DNAH11: variants seen among roughly 807,000 people sequenced by gnomAD.
DNAH11 encodes axonemal beta dynein heavy chain 11.
A neutral mutation model predicts 526.0 loss-of-function variants in DNAH11; 442 were observed. The ratio of observed to expected loss-of-function variants is 0.84; its 90% confidence interval spans 0.78 to 0.91. The LOEUF is 0.91. DNAH11 is among the 40% of genes least tolerant of loss of function. DNAH11 has a pLI of 0.00. For missense variants in DNAH11, 6,989 were observed against 5,448.7 expected (o/e 1.28, Z -8.90); for synonymous variants, 2,461 against 1,935.9 (o/e 1.27, Z -7.12).
Position 21,765,434 on chromosome 7 carries a change from T to C in DNAH11, c.8947T>C (p.Leu2983=), listed in dbSNP as rs1462489076. The change falls in exon 55 of 82, where the codon TTG becomes CTG. Residue 2983 remains leucine (L), a synonymous_variant. Coordinates refer to ENST00000409508, the MANE Select transcript of DNAH11 (RefSeq NM_001277115.2). ...ARVRLQLKII[L]CFSPVGRTLR... is the part of the protein sequence containing the mutation. ...TGCCCCCATGTCTCCACAGATCATTTTGTGTTTCTCTCCAGTTGGTCGCAC... is the reference window on the plus strand; with the variant it reads ...TGCCCCCATGTCTCCACAGATCATTCTGTGTTTCTCTCCAGTTGGTCGCAC... 2.5e-6 allele frequency: 4 copies of C among 1,613,716 alleles called. No individual in the cohort carries two copies. In the African/African-American group the frequency reaches 4.0e-5, roughly 16 times the overall value.
chr7:21,757,389 G>T (rs1583663510), intron 54 of DNAH11, among the ~76,000 whole-genome samples: 1 of 152,110 alleles, frequency 6.6e-6, no homozygotes, highest in Non-Finnish European at 1.5e-5. Flanking sequence ...AGGTGTTGCA[G>T]TTTATCCTAT....
At chr7:21,792,771 C>G (rs990726879) in intron 61 of DNAH11, among the ~76,000 whole-genome samples, 1 of 151,698 alleles carries the variant, frequency 6.6e-6, no homozygotes, top group African/African-American at 2.4e-5. Context: ...TTATTTGGGT[C>G]TTCTCTCCTT....
At chr7:21,791,629 T>C (rs1049863272) in intron 61 of DNAH11, among the ~76,000 whole-genome samples, 2 of 152,208 alleles carry the variant, frequency 1.3e-5, no homozygotes, top group African/African-American at 4.8e-5. Flanking sequence ...GGCAAGCTCC[T>C]TCAGCTTACA....
chr7:21,770,403 G>C (rs34929264), intron 55 of DNAH11, among the ~76,000 whole-genome samples: 9,990 of 152,242 alleles, frequency 0.066, 516 homozygotes, highest in Non-Finnish European at 0.099. Context: ...GAGGTCATAT[G>C]TGGAATTTTC....
At chr7:21,898,570 C>T (rs1389321865) in intron 79 of DNAH11, among the ~76,000 whole-genome samples, 1 of 152,218 alleles carries the variant, frequency 6.6e-6, no homozygotes, top group East Asian at 1.9e-4. Flanking sequence ...CTACTCCATT[C>T]TCCTGGTCCC....
chr7:21,833,796 A>G (rs1342878470), intron 65 of DNAH11, among the ~76,000 whole-genome samples: 1 of 152,224 alleles, frequency 6.6e-6, no homozygotes, highest in Non-Finnish European at 1.5e-5. Context: ...GCAAATGAGT[A>G]TAAATGTTGG....
In DNAH11 at chr7:21,816,628, C is replaced by T. The variant is rs780857266; in HGVS notation, c.10494C>T (p.Pro3498=). ...HCERWPLVID[P]QQQGIKWIKN... ...AGCGCTGGCCTCTGGTGATAGATCC[C>T]CAGCAACAGGGAATTAAGTGGATCA... The change falls in exon 64 of 82, where the codon CCC becomes CCT. Residue 3498 remains proline (P), a synonymous_variant. Coordinates refer to ENST00000409508, the MANE Select transcript of DNAH11 (RefSeq NM_001277115.2). 5 of 1,613,620 alleles carry T rather than the reference C, an allele frequency of 3.1e-6. No homozygotes were observed. Among genetic ancestry groups the T allele is most frequent in the Non-Finnish European group, 4.2e-6 (5 of 1,179,794 alleles).
At chr7:21,800,150 A>T (rs1260896129) in intron 61 of DNAH11, among the ~76,000 whole-genome samples, 1 of 152,192 alleles carries the variant, frequency 6.6e-6, no homozygotes, top group Non-Finnish European at 1.5e-5. Context: ...GTGACTTCTC[A>T]TCTTGCTTCT....
At chr7:21,581,264 T>C (rs1008841138) in intron 8 of DNAH11, among the ~76,000 whole-genome samples, 2 of 152,206 alleles carry the variant, frequency 1.3e-5, no homozygotes, top group African/African-American at 4.8e-5. Flanking sequence ...ATAATAGTTA[T>C]TCTTTCACCG....
rs1399814322 is a variant in DNAH11, at chr7:21,601,470, A to G, written c.3500A>G (p.Asp1167Gly). Residue 1167 changes from aspartate (D) to glycine (G), a missense_variant, in exon 18 of 82, where the codon GAT becomes GGT. Asp to Gly is a moderately conservative substitution (Grantham distance 94). Coordinates refer to ENST00000409508, the MANE Select transcript of DNAH11 (RefSeq NM_001277115.2). ...AGAGAATTAAATGAAGGTGATCATG[A>G]TGGTTTAGTTGACATCATGGTGCAT... is the stretch of plus-strand genomic sequence containing the variant. ...LQRELNEGDHDGLVDIMVHLL... is the reference protein window; with the variant it reads ...LQRELNEGDHGGLVDIMVHLL... 1.2e-6 allele frequency: 2 copies of G among 1,613,836 alleles called. No individual in the cohort carries two copies. The highest frequency in any genetic ancestry group is 1.1e-5 in the South Asian group (1 of 91,072).
intron 54 of DNAH11, among the ~76,000 whole-genome samples, chr7:21,764,115 A>G (rs1389023993): frequency 6.6e-6 from 1 of 152,166 alleles, no homozygotes; most frequent in Non-Finnish European, 1.5e-5. Flanking sequence ...GATCTGCTGC[A>G]CAGCGCTGGA....
chr7:21,755,663 A>C (rs944366325), intron 54 of DNAH11, among the ~76,000 whole-genome samples: 1 of 152,126 alleles, frequency 6.6e-6, no homozygotes, highest in Non-Finnish European at 1.5e-5. Flanking sequence ...TCAGTCTTCT[A>C]TGTGCACATA....
chr7:21,804,719 G>T (rs931139395), intron 62 of DNAH11, among the ~76,000 whole-genome samples: 8 of 152,036 alleles, frequency 5.3e-5, no homozygotes, highest in Non-Finnish European at 5.9e-5. Flanking sequence ...GCTGGTCCAG[G>T]CTGTGGCATC....
chr7:21,589,980 TA>T (rs1248673573), intron 12 of DNAH11, among the ~76,000 whole-genome samples: 12 of 152,130 alleles, frequency 7.9e-5, no homozygotes, highest in South Asian at 2.1e-4. Context: ...TTAAAAAACA[TA>T]AAACATATTA....
At chr7:21,691,241 C>A (rs1053280209) in intron 35 of DNAH11, among the ~76,000 whole-genome samples, 3 of 149,562 alleles carry the variant, frequency 2.0e-5, no homozygotes, top group African/African-American at 7.4e-5. Flanking sequence ...GGAGGAAATG[C>A]TAACACAAAG....
At chr7:21,550,388 T>C (rs940299723) in intron 2 of DNAH11, among the ~76,000 whole-genome samples, 1 of 152,140 alleles carries the variant, frequency 6.6e-6, no homozygotes, top group African/African-American at 2.4e-5. Context: ...GTGGAGTATA[T>C]GGCCAGTATA....
chr7:21,746,902 G>T (rs1376849497), intron 51 of DNAH11, among the ~76,000 whole-genome samples: 2 of 152,260 alleles, frequency 1.3e-5, no homozygotes, highest in Non-Finnish European at 2.9e-5. Context: ...TGGGCGTCCT[G>T]GCTGAGGTGA....
chr7:21,589,599 A>G (rs924609027), intron 12 of DNAH11, among the ~76,000 whole-genome samples, 196 bp downstream of exon 12: 1 of 152,050 alleles, frequency 6.6e-6, no homozygotes, highest in African/African-American at 2.4e-5. Context: ...ATTAATTTGT[A>G]TTGTAATTGT....
chr7:21,659,778 G>A (rs2390550), intron 30 of DNAH11, among the ~76,000 whole-genome samples: 74,096 of 151,798 alleles, frequency 0.49, 18,748 homozygotes, highest in Admixed American at 0.64. Flanking sequence ...GCTCCTCATC[G>A]ACCCCTTTTC....
Sources: allele counts gnomAD v4.1 joint callset (sites outside exome capture counted in the v4.1 genomes callset), GRCh38; gene constraint gnomAD v4.1.1; transcripts MANE v1.5; gene names NCBI Gene and HGNC (gene_info 2026-07-23, HGNC 2026-07-21).